STK24: variants seen among roughly 807,000 people sequenced by gnomAD.
STK24 encodes serine/threonine kinase 24.
In STK24, 21 loss-of-function variants were observed where a neutral mutation model predicts 55.6. The observed-to-expected ratio is 0.38, with a 90% confidence interval of 0.27 to 0.54. STK24 has a LOEUF of 0.54. Among genes scored for constraint, STK24 ranks in the 20% least tolerant of loss-of-function variants. The pLI is 0.79. For synonymous variants in STK24, 200 were observed against 215.2 expected, an observed-to-expected ratio of 0.93 and a Z score of 0.62; for missense variants, 383 against 538.4, an observed-to-expected ratio of 0.71 and a Z score of 2.86.
intron 1 of STK24, among the ~76,000 whole-genome samples, chr13:98,547,507 C>T (rs1897057391): frequency 6.6e-6 from 1 of 152,164 alleles, no homozygotes; most frequent in Non-Finnish European, 1.5e-5. Context: ...ATTACCACAT[C>T]GCTGCACTCC....
intron 1 of STK24, among the ~76,000 whole-genome samples, chr13:98,545,125 G>A (rs1302236914): frequency 1.3e-5 from 2 of 152,190 alleles, no homozygotes; most frequent in Non-Finnish European, 2.9e-5. Flanking sequence ...AGACATCAAT[G>A]TAAAATTAAT....
intron 1 of STK24, among the ~76,000 whole-genome samples, chr13:98,544,935 A>G (rs1487770385): frequency 6.6e-6 from 1 of 152,238 alleles, no homozygotes; most frequent in Non-Finnish European, 1.5e-5. Context: ...CATCTGAAGA[A>G]TGGAAGCGCT....
At chr13:98,538,077 C>T (rs2139414607) in intron 1 of STK24, among the ~76,000 whole-genome samples, 1 of 152,246 alleles carries the variant, frequency 6.6e-6, no homozygotes, top group East Asian at 1.9e-4. Context: ...CTTTCTGGTG[C>T]CCATCAATGT....
In STK24 at chr13:98,448,527, T is replaced by TG. The variant is rs1344411225; in HGVS notation, c.*4645dup. 7.0e-6 allele frequency: 4 copies of TG among 570,796 alleles called. No individual in the cohort carries two copies. The Admixed American group carries it at 9.4e-5, about 13-fold the overall frequency. 35.4% of individuals were successfully genotyped at this position (570,796 alleles called of 1,614,324 possible). A position where few individuals can be genotyped will look rare whatever the true frequency, so the allele number is the denominator to read the frequency against. ...TCCCACCTCCAGTCCTGGCATCCGC[T>TG]GGGGGCGCTGTTCTTTAGCTAGTGC... is the stretch of plus-strand genomic sequence containing the variant. On this transcript the variant is annotated 3_prime_UTR_variant, in exon 11 of 11. Transcript: ENST00000539966.
At chr13:98,543,133 G>T in intron 1 of STK24, 2 of 503,978 alleles carry the variant, frequency 4.0e-6, no homozygotes, top group Non-Finnish European at 5.1e-6. Context: ...ATCCTCCAAA[G>T]TTTACAGCTT....
intron 1 of STK24, among the ~76,000 whole-genome samples, chr13:98,543,723 C>T (rs757871893): frequency 7.9e-5 from 12 of 152,144 alleles, no homozygotes; most frequent in Non-Finnish European, 1.6e-4. Flanking sequence ...GGACACCCCT[C>T]GACTGCAAGA....
rs1020454163 is a variant in STK24, at chr13:98,445,841, T to C, written c.*7332A>G. The C allele has an allele frequency of 1.5e-5, 6 of 402,030 alleles. No homozygotes were observed. Among genetic ancestry groups the C allele is most frequent in the African/African-American group, 1.1e-4 (5 of 45,558 alleles). 24.9% of individuals were successfully genotyped at this position (402,030 alleles called of 1,614,324 possible). On this transcript the variant is annotated 3_prime_UTR_variant, in exon 11 of 11. Transcript: ENST00000539966. Reference sequence around the variant, plus strand: ...ATAAGCCTGTGTTCTAAGGTACTGGTAGTCAGGACCTCAACGTGTCTTTTG... The same window carrying C: ...ATAAGCCTGTGTTCTAAGGTACTGGCAGTCAGGACCTCAACGTGTCTTTTG...
chr13:98,477,397 C>A (rs557977742), intron 3 of STK24, among the ~76,000 whole-genome samples: 47 of 152,136 alleles, frequency 3.1e-4, no homozygotes, highest in Admixed American at 3.9e-4. Context: ...AGAGGCCAGG[C>A]GCGGTGGCTC....
rs944169947 is a variant in STK24, at chr13:98,452,708, G to A, written c.*465C>T. ...TACACAGTGATTCCTTATGCACGCC[G>A]AAAGGGTTTCCGTAAAAATGACATT... On this transcript the variant is annotated 3_prime_UTR_variant, in exon 11 of 11. Transcript: ENST00000539966. 5 of 155,620 alleles carry A rather than the reference G, an allele frequency of 3.2e-5. No homozygotes were observed. The highest frequency in any genetic ancestry group is 2.0e-4 in the South Asian group (1 of 5,034). 9.6% of individuals were successfully genotyped at this position (155,620 alleles called of 1,614,324 possible).
intron 7 of STK24, among the ~76,000 whole-genome samples, chr13:98,463,078 T>A (rs1025162386): frequency 6.6e-6 from 1 of 152,150 alleles, no homozygotes; most frequent in Non-Finnish European, 1.5e-5. Flanking sequence ...GCCTGGCACA[T>A]GGACCTGCAC....
chr13:98,499,344 T>C (rs1895360220), intron 2 of STK24, among the ~76,000 whole-genome samples: 1 of 152,160 alleles, frequency 6.6e-6, no homozygotes, highest in Admixed American at 6.5e-5. Context: ...TCCCGCACCT[T>C]GGGAATTTAA....
At chr13:98,550,591 G>C (rs1897134251) in intron 1 of STK24, among the ~76,000 whole-genome samples, 1 of 152,146 alleles carries the variant, frequency 6.6e-6, no homozygotes, top group South Asian at 2.1e-4. Flanking sequence ...TCTCTCTAAA[G>C]ACAAACCATC....
intron 2 of STK24, among the ~76,000 whole-genome samples, chr13:98,486,247 G>A (rs559721423): frequency 1.3e-5 from 2 of 151,906 alleles, no homozygotes; most frequent in East Asian, 1.9e-4. Context: ...AGTGAAGGCC[G>A]GGTCTCAGTC....
At chr13:98,486,817 C>A (rs896024228) in intron 2 of STK24, among the ~76,000 whole-genome samples, 5 of 152,214 alleles carry the variant, frequency 3.3e-5, no homozygotes, top group African/African-American at 9.6e-5. Flanking sequence ...GAAACTCCTG[C>A]AGCAGGAAGA....
At chr13:98,464,852 G>A (rs1893869141) in intron 6 of STK24, among the ~76,000 whole-genome samples, 1 of 152,140 alleles carries the variant, frequency 6.6e-6, no homozygotes, top group Non-Finnish European at 1.5e-5. Flanking sequence ...TAATAGAAAT[G>A]TCAATTTGGA....
chr13:98,572,448 T>C (rs1277082185), intron 1 of STK24, among the ~76,000 whole-genome samples: 2 of 151,968 alleles, frequency 1.3e-5, no homozygotes, highest in South Asian at 4.2e-4. Flanking sequence ...CCCGTGGAAA[T>C]GTGACACTAA....
chr13:98,481,269 A>G (rs1894569446), intron 3 of STK24, among the ~76,000 whole-genome samples: 1 of 152,234 alleles, frequency 6.6e-6, no homozygotes, highest in Non-Finnish European at 1.5e-5. Context: ...CACTGCATCA[A>G]AACCCAATAG....
intron 1 of STK24, among the ~76,000 whole-genome samples, chr13:98,529,570 T>C (rs1896525853): frequency 6.6e-6 from 1 of 152,182 alleles, no homozygotes; most frequent in African/African-American, 2.4e-5. Context: ...TAATACTGTC[T>C]ACAAGCGCCA....
chr13:98,573,277 A>T (rs575703106), intron 1 of STK24, among the ~76,000 whole-genome samples: 1 of 152,350 alleles, frequency 6.6e-6, no homozygotes, highest in Non-Finnish European at 1.5e-5. Context: ...GTGCAAACCA[A>T]AATCTCATTT....
Sources: gnomAD v4.1 joint callset for allele counts (sites outside exome capture counted in the v4.1 genomes callset) on GRCh38, gnomAD v4.1.1 for gene constraint, MANE v1.5 for transcripts, NCBI Gene and HGNC (gene_info 2026-07-23, HGNC 2026-07-21) for gene names.